The following LDB2 variants were observed in gnomAD, a reference collection of about 807,000 sequenced individuals.
The protein encoded by LDB2 is LIM domain-binding protein 2.
In LDB2, 12 loss-of-function variants were observed where a neutral mutation model predicts 44.3. That is an observed-to-expected ratio of 0.27 (90% CI 0.17 to 0.44). The LOEUF (loss-of-function observed/expected upper bound fraction) is 0.44, where lower values mean the gene tolerates loss of function less well. LDB2 is among the 20% of genes least tolerant of loss of function. The probability of loss-of-function intolerance (pLI) is 1.00; values close to 1 mark genes in which losing one functional copy is unlikely to be tolerated. For synonymous variants in LDB2, 164 were observed against 174.8 expected (o/e 0.94, Z 0.49); for missense variants, 344 against 473.5 (o/e 0.73, Z 2.54).
chr4:16,822,082 G>A (rs1212349662), intron 1 of LDB2, among the ~76,000 whole-genome samples: 1 of 150,320 alleles, frequency 6.7e-6, no homozygotes, highest in Non-Finnish European at 1.5e-5. Flanking sequence ...TTGTAAAATG[G>A]ACATCAAAAG....
intron 1 of LDB2, among the ~76,000 whole-genome samples, chr4:16,760,620 G>A (rs749240869): frequency 1.2e-4 from 19 of 152,086 alleles, no homozygotes; most frequent in Admixed American, 5.2e-4. Context: ...ACTATGTGTA[G>A]GCCTTCAGAA....
intron 2 of LDB2, among the ~76,000 whole-genome samples, chr4:16,645,680 A>G (rs986203037): frequency 2.0e-5 from 3 of 152,178 alleles, no homozygotes; most frequent in Non-Finnish European, 4.4e-5. Flanking sequence ...AGGTTAAGAT[A>G]GGTATATTCA....
intron 2 of LDB2, among the ~76,000 whole-genome samples, chr4:16,743,141 T>A (rs148172244): frequency 8.5e-5 from 13 of 152,088 alleles, no homozygotes; most frequent in African/African-American, 3.1e-4. Flanking sequence ...AATACAAAAA[T>A]TAGCCAGGCA....
At chr4:16,724,273 C>G (rs1360891942) in intron 2 of LDB2, among the ~76,000 whole-genome samples, 1 of 151,854 alleles carries the variant, frequency 6.6e-6, no homozygotes, top group Non-Finnish European at 1.5e-5. Context: ...CTTTGCTGTA[C>G]TATCTGGGTA....
At chr4:16,843,937 A>T (rs1466470556) in intron 1 of LDB2, among the ~76,000 whole-genome samples, 1 of 151,898 alleles carries the variant, frequency 6.6e-6, no homozygotes, top group Non-Finnish European at 1.5e-5. Flanking sequence ...TTCTTTAAAA[A>T]CTAAGGAGTT....
In LDB2 at chr4:16,502,716, C is replaced by T. The variant is rs1354990861; in HGVS notation, c.1049G>A (p.Ser350Asn). 4 of 1,613,836 alleles carry T rather than the reference C, an allele frequency of 2.5e-6. No individual in the cohort carries two copies. The highest frequency in any genetic ancestry group is 3.4e-6 in the Non-Finnish European group (4 of 1,179,980). The change falls in exon 8 of 8, where the codon AGC becomes AAC. Residue 350 changes from serine to asparagine, a missense_variant. Ser to Asn is a conservative substitution (Grantham distance 46). Transcript: ENST00000304523. ...FNNSPALGNN[S>N]PWNSKPPATQ... ...GGCGGGAGGTTTACTGTTCCACGGG[C>T]TGTTGTTCCCCAGCGCGGGTGAATT...
intron 1 of LDB2, among the ~76,000 whole-genome samples, chr4:16,817,786 T>C (rs1483896711): frequency 6.6e-6 from 1 of 152,154 alleles, no homozygotes. Flanking sequence ...ATCAATTAAG[T>C]ATCGAGCGCA....
At chr4:16,742,069 CTTTTCTTTTTTTTTTTTT>C (rs1347044344) in intron 2 of LDB2, among the ~76,000 whole-genome samples, 1 of 138,348 alleles carries the variant, frequency 7.2e-6, no homozygotes, top group Non-Finnish European at 1.5e-5. Context: ...TTTTTCTTTT[CTTTTCTTTTTTTTTTTTT>C]TTTTTGAGAG....
At chr4:16,526,543 A>G (rs953736009) in intron 5 of LDB2, among the ~76,000 whole-genome samples, 2 of 152,204 alleles carry the variant, frequency 1.3e-5, no homozygotes, top group African/African-American at 2.4e-5. Context: ...TCTCTCATCT[A>G]TCTGTCTATC....
intron 1 of LDB2, among the ~76,000 whole-genome samples, chr4:16,763,439 T>TACACACACACACACACACACACAC (rs56114847): frequency 1.4e-4 from 20 of 141,188 alleles, no homozygotes; most frequent in East Asian, 4.5e-4. Flanking sequence ...TGTAAACACG[T>TACACACACACACACACACACACAC]ACACACACAC....
Position 16,793,143 on chromosome 4 carries a change from T to C in LDB2, c.133-33883A>G, listed in dbSNP as rs77445659. 5.2e-3 allele frequency among the ~76,000 whole-genome samples: 786 copies of C among 152,338 alleles called. 8 individuals carry two copies. The highest frequency in any genetic ancestry group is 0.018 in the African/African-American group (760 of 41,572). ...AAACTTCATTTCTAAGTGTGCTAAA[T>C]AGAATCTATAGGCTTCCTTCAGCTG... On this transcript the variant is annotated intron_variant, in intron 1 of 7. Coordinates refer to ENST00000304523, the MANE Select transcript of LDB2 (RefSeq NM_001290.5).
chr4:16,843,642 GAC>G (rs1786336231), intron 1 of LDB2, among the ~76,000 whole-genome samples: 1 of 151,994 alleles, frequency 6.6e-6, no homozygotes, highest in Non-Finnish European at 1.5e-5. Context: ...TGTTTTCTGA[GAC>G]AGAGTCTCGC....
chr4:16,855,602 A>T (rs1789200188), intron 1 of LDB2, among the ~76,000 whole-genome samples: 1 of 152,136 alleles, frequency 6.6e-6, no homozygotes, highest in South Asian at 2.1e-4. Context: ...ACATCGAGGA[A>T]GACAATTCAC....
At chr4:16,862,079 T>C (rs963002228) in intron 1 of LDB2, among the ~76,000 whole-genome samples, 10 of 152,142 alleles carry the variant, frequency 6.6e-5, no homozygotes, top group African/African-American at 2.4e-4. Context: ...TGCCACACAG[T>C]GAATTCTCAT....
At chr4:16,790,343 A>G (rs989557361) in intron 1 of LDB2, among the ~76,000 whole-genome samples, 4 of 152,186 alleles carry the variant, frequency 2.6e-5, no homozygotes, top group Non-Finnish European at 4.4e-5. Flanking sequence ...CCATATAAGG[A>G]CATTTCAGTC....
intron 5 of LDB2, among the ~76,000 whole-genome samples, chr4:16,529,732 G>A (rs570350070): frequency 2.8e-4 from 43 of 152,128 alleles, no homozygotes; most frequent in African/African-American, 8.9e-4. Context: ...GGTCCTTTAC[G>A]GAAGATCTGT....
chr4:16,818,411 A>T (rs73127851), intron 1 of LDB2, among the ~76,000 whole-genome samples: 1 of 152,216 alleles, frequency 6.6e-6, no homozygotes, highest in Non-Finnish European at 1.5e-5. Context: ...GAGAACTGTC[A>T]ATGAATCTGT....
chr4:16,867,734 C>CA (rs1225176034), intron 1 of LDB2, among the ~76,000 whole-genome samples: 4 of 152,076 alleles, frequency 2.6e-5, no homozygotes, highest in Non-Finnish European at 4.4e-5. Flanking sequence ...TAGTTGGGAG[C>CA]AATGGTGAAG....
chr4:16,800,716 C>A (rs1287606745), intron 1 of LDB2, among the ~76,000 whole-genome samples: 1 of 152,198 alleles, frequency 6.6e-6, no homozygotes, highest in Non-Finnish European at 1.5e-5. Flanking sequence ...GCTCTGTCGC[C>A]CAGGCTGGAG....
Sources: allele counts gnomAD v4.1 joint callset (sites outside exome capture counted in the v4.1 genomes callset), GRCh38; gene constraint gnomAD v4.1.1; transcripts MANE v1.5; gene names NCBI Gene and HGNC (gene_info 2026-07-23, HGNC 2026-07-21).